Variants in MAP3K21 observed in about 807,000 individuals in gnomAD.
The protein encoded by MAP3K21 is mitogen-activated protein kinase kinase kinase MLK4.
A neutral mutation model predicts 86.1 loss-of-function variants in MAP3K21; 63 were observed. The ratio of observed to expected loss-of-function variants is 0.73; its 90% confidence interval spans 0.60 to 0.90. MAP3K21 has a LOEUF of 0.90. MAP3K21 is among the 40% of genes least tolerant of loss of function. The pLI is 0.00. For synonymous variants in MAP3K21, 558 were observed against 564.8 expected (o/e 0.99, Z 0.17); for missense variants, 1,220 against 1,367.7 (o/e 0.89, Z 1.70).
At chr1:233,371,862 ATTAT>A (rs1426967630) in intron 5 of MAP3K21, among the ~76,000 whole-genome samples, 172 bp from the exon 6 acceptor site, 4 of 151,842 alleles carry the variant, frequency 2.6e-5, no homozygotes, top group Non-Finnish European at 5.9e-5. Flanking sequence ...GCTCAGAATC[ATTAT>A]TTATTGACCT....
At chr1:233,331,277 T>C (rs1572236131) in intron 1 of MAP3K21, among the ~76,000 whole-genome samples, 1 of 152,208 alleles carries the variant, frequency 6.6e-6, no homozygotes, top group Admixed American at 6.5e-5. Context: ...ATAAAAGACT[T>C]AATTAGCTAG....
chr1:233,350,414 G>A (rs992392201), intron 2 of MAP3K21, among the ~76,000 whole-genome samples: 1 of 152,076 alleles, frequency 6.6e-6, no homozygotes, highest in Non-Finnish European at 1.5e-5. Flanking sequence ...AAAGCACATT[G>A]TAGGATATCC....
chr1:233,357,029 G>A (rs577147176), intron 4 of MAP3K21, among the ~76,000 whole-genome samples: 22 of 152,332 alleles, frequency 1.4e-4, no homozygotes, highest in African/African-American at 5.1e-4. Context: ...CCAGTGCTTT[G>A]GGAGGTCGGG....
chr1:233,354,097 A>T, intron 3 of MAP3K21, 142 bp downstream of exon 3: 1 of 1,046,790 alleles, frequency 9.6e-7, no homozygotes, highest in Non-Finnish European at 1.3e-6. Context: ...AGAATTGGAA[A>T]CCTAGTCTTT....
In MAP3K21 at chr1:233,378,881, CTT is replaced by C. The variant is rs745881454; in HGVS notation, c.1925-47_1925-46del. On this transcript the variant is annotated intron_variant, in intron 8 of 9. Transcript: ENST00000366624. Reference sequence around the variant, plus strand: ...TTATTTTACAATCTTGTTTAAATGACTTTTGCTGTAAAATGATACTACAGTGT... The same window carrying C: ...TTATTTTACAATCTTGTTTAAATGACTTGCTGTAAAATGATACTACAGTGT... 9 of 1,274,676 alleles carry C rather than the reference CTT, an allele frequency of 7.1e-6. No homozygotes were observed. The East Asian group carries it at 2.1e-4, about 30-fold the overall frequency. The allele number at this position is 1,274,676 out of a possible 1,614,324, so 79.0% of individuals were successfully genotyped here.
At chr1:233,361,090 C>T (rs1167848206) in intron 4 of MAP3K21, among the ~76,000 whole-genome samples, 2 of 152,064 alleles carry the variant, frequency 1.3e-5, no homozygotes, top group Non-Finnish European at 2.9e-5. Flanking sequence ...TTCAGCACTG[C>T]AAAGAATATT....
In MAP3K21 at chr1:233,327,882, C is replaced by T. The variant is rs1259187740; in HGVS notation, c.-147C>T. 5.4e-6 allele frequency: 3 copies of T among 552,250 alleles called. No individual in the cohort carries two copies. The highest frequency in any genetic ancestry group is 5.4e-6 in the Non-Finnish European group (2 of 373,790). 34.2% of individuals were successfully genotyped at this position (552,250 alleles called of 1,614,324 possible). On this transcript the variant is annotated 5_prime_UTR_variant, in exon 1 of 10. Transcript: ENST00000366624. ...AGGCTGGACCCTTTGGGCAGCTAGC[C>T]CGTGATCTCTGCCGTCACCGATCGC...
Position 233,376,526 on chromosome 1 carries a change from A to G in MAP3K21, c.1923A>G (p.Pro641=), listed in dbSNP as rs1241436964. The G allele has an allele frequency of 1.2e-6, 2 of 1,606,856 alleles. No individual in the cohort carries two copies. The highest frequency in any genetic ancestry group is 1.3e-5 in the African/African-American group (1 of 74,596). The stretch of plus-strand genomic sequence containing the variant: ...TGGCTTCATTGTTTGTGGACCAGCC[A>G]GGTAAATGTGTTTCAGGAGGTAGGA... The part of the protein sequence containing the change: ...MPLASLFVDQ[P]GSCEEPKLSP... The change falls in exon 8 of 10, where the codon CCA becomes CCG. Residue 641 remains proline, a splice_region_variant and synonymous_variant. Transcript: ENST00000366624.
Position 233,362,254 on chromosome 1 carries a change from T to C in MAP3K21, c.1513T>C (p.Leu505=). Residue 505 remains leucine (L), a synonymous_variant, in exon 5 of 10, where the codon TTA becomes CTA. Coordinates refer to ENST00000366624, the MANE Select transcript of MAP3K21 (RefSeq NM_032435.3). ...KRKGKFKRSR[L]KLKDGHRISL... Reference sequence around the variant, plus strand: ...GAAGGGCAAGTTTAAGAGAAGTCGTTTAAAGCTCAAAGATGGACATCGAAT... The same window carrying C: ...GAAGGGCAAGTTTAAGAGAAGTCGTCTAAAGCTCAAAGATGGACATCGAAT... 1 of 1,614,252 alleles carries C rather than the reference T, an allele frequency of 6.2e-7. No homozygotes were observed.
In MAP3K21 at chr1:233,382,153, T is replaced by C. The variant is rs891814409; in HGVS notation, c.2705-152T>C. The C allele has an allele frequency of 7.2e-6, 5 of 698,014 alleles. No homozygotes were observed. In the African/African-American group the frequency reaches 7.2e-5, roughly 10 times the overall value. 43.2% of individuals were successfully genotyped at this position (698,014 alleles called of 1,614,324 possible). On this transcript the variant is annotated intron_variant, in intron 9 of 9. Coordinates refer to ENST00000366624, the MANE Select transcript of MAP3K21 (RefSeq NM_032435.3). Reference sequence around the variant, plus strand: ...CCAAGAGTTCGAGGCTGCAGTGTGCTATGATCATGCCTGTGAATGCATGTT... The same window carrying C: ...CCAAGAGTTCGAGGCTGCAGTGTGCCATGATCATGCCTGTGAATGCATGTT...
At chr1:233,362,361 C>T in intron 5 of MAP3K21, 68 bp downstream of exon 5, 1 of 1,544,434 alleles carries the variant, frequency 6.5e-7, no homozygotes, top group Non-Finnish European at 8.8e-7. Flanking sequence ...TTTCTTTGTT[C>T]ATCAGAACCA....
rs758435545 is a variant in MAP3K21 at position 233,382,508 on chromosome 1, C to T, written c.2908C>T (p.Gln970Ter). 1 of 1,614,178 alleles carries T rather than the reference C, an allele frequency of 6.2e-7. No homozygotes were observed. The highest frequency in any genetic ancestry group is 8.5e-7 in the Non-Finnish European group (1 of 1,180,026). Reference sequence around the variant, plus strand: ...ACAGACAGCAGTGTCTCAGCTGGCACAGACTGCCTGTGTAGTGGGTCGCCC... The same window carrying T: ...ACAGACAGCAGTGTCTCAGCTGGCATAGACTGCCTGTGTAGTGGGTCGCCC... ...YPQTAVSQLA[Q>*]TACVVGRPGP... The change falls in exon 10 of 10, where the codon CAG (glutamine) becomes TAG (stop). Residue 970 changes from glutamine (Q) to a stop codon, truncating the protein, a stop_gained. Transcript: ENST00000366624. LOFTEE classifies it low-confidence loss of function (END_TRUNC).
At position 233,338,738 on chromosome 1, in the gene MAP3K21, A is replaced by G. The variant is rs184685557; in HGVS notation, c.806-7704A>G. On this transcript the variant is annotated intron_variant, in intron 1 of 9. Coordinates refer to ENST00000366624, the MANE Select transcript of MAP3K21 (RefSeq NM_032435.3). The stretch of plus-strand genomic sequence containing the variant: ...GGGAGAAGCAGGGATCCCTCAGACT[A>G]TGCAGTCTTGGGGGCCCTACAGGGT... Among the ~76,000 whole-genome samples the G allele has an allele frequency of 2.3e-4, 35 of 152,344 alleles. 1 individual carries two copies. The highest frequency in any genetic ancestry group is 4.4e-4 in the Non-Finnish European group (30 of 68,030).
At chr1:233,357,901 A>C (rs183284157) in intron 4 of MAP3K21, among the ~76,000 whole-genome samples, 80 of 152,312 alleles carry the variant, frequency 5.3e-4, no homozygotes, top group African/African-American at 1.8e-3. Flanking sequence ...CTGACAGAGA[A>C]ATAGACTGCT....
intron 4 of MAP3K21, 138 bp downstream of exon 4, chr1:233,355,149 TAAAAATAAAAC>T (rs998798165): frequency 2.7e-5 from 18 of 661,620 alleles, no homozygotes; most frequent in African/African-American, 2.4e-4. Flanking sequence ...TCTTTCAGGT[TAAAAATAAAAC>T]AAAAATAAAA....
intron 8 of MAP3K21, 81 bp downstream of exon 8, chr1:233,376,608 AC>A (rs1262856658): frequency 4.3e-6 from 4 of 936,740 alleles, no homozygotes; most frequent in Non-Finnish European, 5.0e-6. Context: ...TTACAGTCTT[AC>A]GTGGTCATTA....
At position 233,328,370 on chromosome 1, in the gene MAP3K21, C is replaced by A; in HGVS notation, c.342C>A (p.Ser114Arg). Residue 114 changes from serine (S) to arginine (R), a missense_variant, in exon 1 of 10, where the codon AGC becomes AGA. By Grantham distance (110) the Ser-to-Arg change is moderately radical. This residue lies in a region of MAP3K21 where 369 missense variants were observed against 385.3 expected (regional missense o/e 0.96). Transcript: ENST00000366624. This position sits in a 1 kb window ranked among gnomAD's most constrained non-coding sequence, Gnocchi z 8.7. Reference sequence around the variant, plus strand: ...CCGCGCCGCCGCCCTCGCGGCCCAGCTCCCCGGTACACGTCGCCTTCGAGC... The same window carrying A: ...CCGCGCCGCCGCCCTCGCGGCCCAGATCCCCGGTACACGTCGCCTTCGAGC... ...ASPAPPPSRP[S>R]SPVHVAFERL... 1 of 1,478,136 alleles carries A rather than the reference C, an allele frequency of 6.8e-7. No homozygotes were observed. The highest frequency in any genetic ancestry group is 8.9e-7 in the Non-Finnish European group (1 of 1,122,508). The allele number at this position is 1,478,136 out of a possible 1,614,324, so 91.6% of individuals were successfully genotyped here. A position where few individuals can be genotyped will look rare whatever the true frequency, so the allele number is the denominator to read the frequency against.
At chr1:233,371,912 G>C (rs930984476) in intron 5 of MAP3K21, 126 bp from the exon 6 acceptor site, 1 of 861,524 alleles carries the variant, frequency 1.2e-6, no homozygotes, top group Non-Finnish European at 1.7e-6. Flanking sequence ...ATAAGAAATC[G>C]ATCCTGCAAT....
Position 233,353,979 on chromosome 1 carries a change from C to T in MAP3K21, c.1135+24C>T, listed in dbSNP as rs760387564. On this transcript the variant is annotated intron_variant, in intron 3 of 9. Coordinates refer to ENST00000366624, the MANE Select transcript of MAP3K21 (RefSeq NM_032435.3). Reference sequence around the variant, plus strand: ...AGGTATTGTGTGTGTGTGTGTGTGTCTTTGTGGGGGCAAGAATTTCTCATT... The same window carrying T: ...AGGTATTGTGTGTGTGTGTGTGTGTTTTTGTGGGGGCAAGAATTTCTCATT... 1.4e-5 allele frequency: 20 copies of T among 1,437,476 alleles called. No individual in the cohort carries two copies. In the Middle Eastern group the frequency reaches 9.2e-4, roughly 66 times the overall value. The allele number at this position is 1,437,476 out of a possible 1,614,324, so 89.0% of individuals were successfully genotyped here. A position where few individuals can be genotyped will look rare whatever the true frequency, so the allele number is the denominator to read the frequency against.
Sources: gnomAD v4.1 joint callset for allele counts (sites outside exome capture counted in the v4.1 genomes callset) on GRCh38, gnomAD v4.1.1 for gene constraint, gnomAD v4.1.1 regional missense constraint, Gnocchi (gnomAD v3.1) non-coding constraint, MANE v1.5 for transcripts, NCBI Gene and HGNC (gene_info 2026-07-23, HGNC 2026-07-21) for gene names.